The following PRKD1 variants were observed in gnomAD, a reference collection of about 807,000 sequenced individuals.
The protein encoded by PRKD1 is serine/threonine-protein kinase D1.
PRKD1 carries 63 observed loss-of-function variants against 95.9 expected under a neutral mutation model. The ratio of observed to expected loss-of-function variants is 0.66; its 90% confidence interval spans 0.54 to 0.81. The LOEUF (loss-of-function observed/expected upper bound fraction) is 0.81, where lower values mean the gene tolerates loss of function less well. PRKD1 is among the 30% of genes least tolerant of loss of function. The probability of loss-of-function intolerance (pLI) is 0.00; values close to 1 mark genes in which losing one functional copy is unlikely to be tolerated. For synonymous variants in PRKD1, 425 were observed against 423.1 expected, an observed-to-expected ratio of 1.00 and a Z score of -0.05; for missense variants, 1,048 against 1,165.3, an observed-to-expected ratio of 0.90 and a Z score of 1.47.
intron 1 of PRKD1, among the ~76,000 whole-genome samples, chr14:29,870,803 T>A (rs761109991): frequency 2.0e-5 from 3 of 152,204 alleles, no homozygotes; most frequent in Non-Finnish European, 4.4e-5. Flanking sequence ...GACTCAGAGA[T>A]CATGTTTATA....
chr14:29,734,028 CTTTTTTTTTTTTTTTTTT>C (rs58908662), intron 1 of PRKD1, among the ~76,000 whole-genome samples: 1 of 64,640 alleles, frequency 1.5e-5, no homozygotes, highest in East Asian at 4.6e-4. Flanking sequence ...ACTTTCCTGC[CTTTTTTTTTTTTTTTTTT>C]TTTTTTTTTT....
At position 29,833,119 on chromosome 14, in the gene PRKD1, T is replaced by C. The variant is rs944855093; in HGVS notation, c.264+94130A>G. ...TACAACTTATTAACTATAAAATATT[T>C]CTTTAAAAATATATCTCAAAAGGTT... On this transcript the variant is annotated intron_variant, in intron 1 of 17. Coordinates refer to ENST00000331968, the MANE Select transcript of PRKD1 (RefSeq NM_002742.3). 6.6e-5 allele frequency among the ~76,000 whole-genome samples: 10 copies of C among 152,124 alleles called. 1 individual carries two copies. The highest frequency in any genetic ancestry group is 6.5e-4 in the Admixed American group (10 of 15,276).
At chr14:29,688,749 C>T (rs1172562954) in intron 2 of PRKD1, among the ~76,000 whole-genome samples, 9 of 151,630 alleles carry the variant, frequency 5.9e-5, no homozygotes, top group Admixed American at 2.6e-4. Context: ...CTGGGCAACA[C>T]GGTGAAACCT....
chr14:29,738,914 T>C (rs1223203020), intron 1 of PRKD1, among the ~76,000 whole-genome samples: 1 of 151,652 alleles, frequency 6.6e-6, no homozygotes, highest in Non-Finnish European at 1.5e-5. Context: ...TCAGTGCAAC[T>C]TCCACTTCCC....
intron 1 of PRKD1, among the ~76,000 whole-genome samples, chr14:29,801,582 A>G (rs978335376): frequency 2.0e-5 from 3 of 152,174 alleles, no homozygotes; most frequent in African/African-American, 4.8e-5. Context: ...ACAAAACAAA[A>G]CAAAAAACAA....
intron 1 of PRKD1, among the ~76,000 whole-genome samples, chr14:29,787,261 T>C (rs1432704671): frequency 6.9e-6 from 1 of 145,696 alleles, no homozygotes; most frequent in Non-Finnish European, 1.5e-5. Flanking sequence ...TGGTCTTTCC[T>C]AGAGAATATT....
chr14:29,706,592 A>G (rs773813512), intron 2 of PRKD1, among the ~76,000 whole-genome samples: 21 of 152,192 alleles, frequency 1.4e-4, no homozygotes, highest in Admixed American at 2.6e-4. Context: ...AGCAACACTC[A>G]TTGCCAGATG....
At chr14:29,742,198 C>T (rs79913432) in intron 1 of PRKD1, among the ~76,000 whole-genome samples, 68 of 152,238 alleles carry the variant, frequency 4.5e-4, no homozygotes, top group African/African-American at 1.5e-3. Context: ...AAATGCTGTA[C>T]GGCTTCTGGA....
intron 15 of PRKD1, among the ~76,000 whole-genome samples, chr14:29,598,504 G>A (rs1374282393): frequency 6.6e-6 from 1 of 152,048 alleles, no homozygotes; most frequent in Non-Finnish European, 1.5e-5. Context: ...GATAAGTACA[G>A]AGATGTGTCA....
chr14:29,638,271 G>T, intron 6 of PRKD1: 3 of 536,574 alleles, frequency 5.6e-6, no homozygotes, highest in Non-Finnish European at 9.8e-6. Context: ...AATACTAGCT[G>T]CTCACCATGT....
intron 1 of PRKD1, among the ~76,000 whole-genome samples, chr14:29,852,042 A>C (rs2139340189): frequency 6.6e-6 from 1 of 152,206 alleles, no homozygotes; most frequent in South Asian, 2.1e-4. Flanking sequence ...GGTACACATG[A>C]ACATAAAGAT....
In PRKD1 at chr14:29,806,964, T is replaced by C. The variant is rs1215933756; in HGVS notation, c.265-81290A>G. ...AAATTTTCAGGTTTCTCAATGCATATAAAAGCTATGCTTACACTACACTGT... is the reference window on the plus strand; with the variant it reads ...AAATTTTCAGGTTTCTCAATGCATACAAAAGCTATGCTTACACTACACTGT... On this transcript the variant is annotated intron_variant, in intron 1 of 17. Transcript: ENST00000331968. 4.6e-5 allele frequency among the ~76,000 whole-genome samples: 7 copies of C among 152,068 alleles called. No individual in the cohort carries two copies. The South Asian group carries it at 1.5e-3, about 32-fold the overall frequency.
intron 1 of PRKD1, among the ~76,000 whole-genome samples, chr14:29,758,639 A>G (rs181971327): frequency 1.1e-4 from 17 of 152,358 alleles, no homozygotes; most frequent in Admixed American, 4.6e-4. Context: ...TCTAGAGCAC[A>G]AGAGAAAAAC....
At chr14:29,763,251 T>G (rs1276703742) in intron 1 of PRKD1, among the ~76,000 whole-genome samples, 39 of 148,834 alleles carry the variant, frequency 2.6e-4, no homozygotes, top group Non-Finnish European at 3.0e-5. Context: ...GAGCTGTGAT[T>G]GTGCCCCTGC....
intron 1 of PRKD1, among the ~76,000 whole-genome samples, chr14:29,838,058 T>C (rs1249549640): frequency 6.6e-6 from 1 of 152,094 alleles, no homozygotes; most frequent in Non-Finnish European, 1.5e-5. Context: ...AAACTCCCCC[T>C]GTTTGCATTC....
At chr14:29,860,797 C>T (rs548859710) in intron 1 of PRKD1, among the ~76,000 whole-genome samples, 9 of 152,178 alleles carry the variant, frequency 5.9e-5, no homozygotes, top group African/African-American at 1.4e-4. Context: ...GAAACAGATA[C>T]TTAAATAATT....
chr14:29,663,595 G>A (rs1882311126), intron 4 of PRKD1, 104 bp downstream of exon 4: 2 of 1,293,992 alleles, frequency 1.5e-6, no homozygotes, highest in East Asian at 4.7e-5. Context: ...TAACACCCTG[G>A]CTGCATTCTC....
chr14:29,867,496 A>G (rs1892952086), intron 1 of PRKD1, among the ~76,000 whole-genome samples: 1 of 152,224 alleles, frequency 6.6e-6, no homozygotes. Flanking sequence ...GCTGGAATTC[A>G]ATGGGTAAAG....
chr14:29,608,224 T>C (rs189773312), intron 13 of PRKD1, among the ~76,000 whole-genome samples: 1 of 152,250 alleles, frequency 6.6e-6, no homozygotes, highest in East Asian at 1.9e-4. Context: ...TGAAGATGTA[T>C]AGGGCTTCAT....
Sources: gnomAD v4.1 joint callset for allele counts (sites outside exome capture counted in the v4.1 genomes callset) on GRCh38, gnomAD v4.1.1 for gene constraint, MANE v1.5 for transcripts, NCBI Gene and HGNC (gene_info 2026-07-23, HGNC 2026-07-21) for gene names.